Variants in NTM observed in about 807,000 individuals in gnomAD.
NTM encodes the protein neurotrimin, also known as IgLON family member 2.
NTM carries 13 observed loss-of-function variants against 42.1 expected under a neutral mutation model. That is an observed-to-expected ratio of 0.31 (90% CI 0.20 to 0.49). The LOEUF is 0.49. Among genes scored for constraint, NTM ranks in the 20% least tolerant of loss-of-function variants. The probability of loss-of-function intolerance (pLI) is 0.99; values close to 1 mark genes in which losing one functional copy is unlikely to be tolerated. For missense variants in NTM, 373 were observed against 452.8 expected, an observed-to-expected ratio of 0.82 and a Z score of 1.60; for synonymous variants, 187 against 179.2, an observed-to-expected ratio of 1.04 and a Z score of -0.35.
At chr11:131,717,749 T>C (rs752546592) in intron 1 of NTM, among the ~76,000 whole-genome samples, 6 of 152,188 alleles carry the variant, frequency 3.9e-5, no homozygotes, top group Admixed American at 1.3e-4. Flanking sequence ...TCCAGTACAA[T>C]GTTGAATAGA....
At chr11:132,052,361 T>A (rs1050746415) in intron 2 of NTM, among the ~76,000 whole-genome samples, 1 of 152,172 alleles carries the variant, frequency 6.6e-6, no homozygotes, top group South Asian at 2.1e-4. Context: ...CCTGGTCTAT[T>A]TCCCCCCTTA....
At chr11:131,812,678 A>G (rs141300866) in intron 1 of NTM, among the ~76,000 whole-genome samples, 1 of 152,038 alleles carries the variant, frequency 6.6e-6, no homozygotes, top group Non-Finnish European at 1.5e-5. Context: ...GGTGGAGGGG[A>G]GCTGTCTGAT....
intron 1 of NTM, among the ~76,000 whole-genome samples, chr11:131,693,714 T>C (rs2075078806): frequency 6.6e-6 from 1 of 152,242 alleles, no homozygotes; most frequent in South Asian, 2.1e-4. Context: ...TGCCCTGGTG[T>C]TCCCAGCTGG....
intron 2 of NTM, among the ~76,000 whole-genome samples, chr11:131,954,260 G>A (rs935260304): frequency 2.0e-5 from 3 of 152,182 alleles, no homozygotes; most frequent in African/African-American, 7.2e-5. Context: ...AGGAGGCCTC[G>A]GTAGATGTGC....
chr11:131,398,102 A>G (rs999777125), intron 1 of NTM, among the ~76,000 whole-genome samples: 1 of 152,110 alleles, frequency 6.6e-6, no homozygotes, highest in Non-Finnish European at 1.5e-5. Context: ...CTATTAGTGG[A>G]TTTGTGTTAG....
At chr11:132,180,338 A>G (rs1338700361) in intron 3 of NTM, among the ~76,000 whole-genome samples, 1 of 152,182 alleles carries the variant, frequency 6.6e-6, no homozygotes, top group Non-Finnish European at 1.5e-5. Flanking sequence ...ATGACTTTCA[A>G]AGAAGCTACT....
intron 3 of NTM, among the ~76,000 whole-genome samples, chr11:132,147,511 C>A (rs764778116): frequency 6.6e-6 from 1 of 152,072 alleles, no homozygotes; most frequent in African/African-American, 2.4e-5. Flanking sequence ...TAGAAGAGGG[C>A]GTGGCACATA....
At chr11:131,647,712 CAT>C (rs2065938770) in intron 1 of NTM, among the ~76,000 whole-genome samples, 2 of 152,092 alleles carry the variant, frequency 1.3e-5, no homozygotes, top group Admixed American at 6.5e-5. Flanking sequence ...GGTATAAATT[CAT>C]ATGTGATTTT....
At chr11:131,940,241 C>G (rs1467469627) in intron 2 of NTM, among the ~76,000 whole-genome samples, 2 of 152,148 alleles carry the variant, frequency 1.3e-5, no homozygotes, top group Non-Finnish European at 1.5e-5. Context: ...TACTCCTGAT[C>G]TAATGCAAAG....
chr11:131,789,508 A>G (rs1276405742), intron 1 of NTM, among the ~76,000 whole-genome samples: 1 of 16,178 alleles, frequency 6.2e-5, no homozygotes, highest in African/African-American at 3.5e-4. Context: ...AAGAAGAAGA[A>G]GAAGAAGAAG....
intron 1 of NTM, among the ~76,000 whole-genome samples, chr11:131,407,593 C>A (rs539707356): frequency 6.6e-6 from 1 of 152,306 alleles, no homozygotes; most frequent in African/African-American, 2.4e-5. Context: ...AAAGTGGGGA[C>A]AAAAGGCTTC....
intron 2 of NTM, among the ~76,000 whole-genome samples, chr11:132,087,994 C>A (rs1594539989): frequency 1.3e-5 from 2 of 152,192 alleles, no homozygotes; most frequent in African/African-American, 4.8e-5. Flanking sequence ...TCCTGCATGG[C>A]CATTGGATGC....
At chr11:131,414,570 G>A (rs537971328) in intron 1 of NTM, among the ~76,000 whole-genome samples, 100 of 152,276 alleles carry the variant, frequency 6.6e-4, no homozygotes, top group Non-Finnish European at 1.1e-3. Flanking sequence ...GAGGAGAAAG[G>A]ATCAAGGGCA....
chr11:131,559,013 A>C lies in NTM; in HGVS notation c.82+188125A>C, dbSNP rs1160622837. Among the ~76,000 whole-genome samples, 3 of 152,246 alleles carry C rather than the reference A, an allele frequency of 2.0e-5. 1 individual carries two copies. Among genetic ancestry groups the C allele is most frequent in the Admixed American group, 1.3e-4 (2 of 15,288 alleles). On this transcript the variant is annotated intron_variant, in intron 1 of 8. Coordinates refer to ENST00000683400, the MANE Select transcript of NTM (RefSeq NM_001352005.2). The stretch of plus-strand genomic sequence containing the variant: ...AATAATAGACATATGGGTTTATTTT[A>C]CCATGTTTCTGTGATGCTTGAATAT...
In NTM at chr11:132,335,298, C is replaced by G; in HGVS notation, c.*152C>G. 3 of 787,142 alleles carry G rather than the reference C, an allele frequency of 3.8e-6. No homozygotes were observed. The highest frequency in any genetic ancestry group is 2.0e-5 in the South Asian group (1 of 50,948). The allele number at this position is 787,142 out of a possible 1,614,324, so 48.8% of individuals were successfully genotyped here. ...GGGACAGAAATTTGAGGGAGGGGAA[C>G]AAAGAATACTTTGGGGGGAAAAAAG... On this transcript the variant is annotated 3_prime_UTR_variant, in exon 9 of 9. Transcript: ENST00000683400.
intron 2 of NTM, among the ~76,000 whole-genome samples, chr11:131,998,077 C>T (rs2068424803): frequency 6.6e-6 from 1 of 152,040 alleles, no homozygotes; most frequent in Non-Finnish European, 1.5e-5. Context: ...TGTAAATGTA[C>T]AGACCATTTA....
intron 4 of NTM, among the ~76,000 whole-genome samples, chr11:132,244,096 G>A (rs1343182611): frequency 6.6e-6 from 1 of 152,182 alleles, no homozygotes; most frequent in African/African-American, 2.4e-5. Flanking sequence ...GGGAGAGACG[G>A]GCCCTCTGCC....
At chr11:131,685,805 T>C (rs1169380072) in intron 1 of NTM, among the ~76,000 whole-genome samples, 1 of 152,234 alleles carries the variant, frequency 6.6e-6, no homozygotes, top group African/African-American at 2.4e-5. Flanking sequence ...GACATTGTTT[T>C]GTTCACTTTT....
At chr11:131,803,398 T>C (rs2092288111) in intron 1 of NTM, among the ~76,000 whole-genome samples, 1 of 151,900 alleles carries the variant, frequency 6.6e-6, no homozygotes, top group Admixed American at 6.6e-5. Context: ...AAGCTCTGCC[T>C]CCTGGGTTCA....
Sources: gnomAD v4.1 joint callset for allele counts (sites outside exome capture counted in the v4.1 genomes callset) on GRCh38, gnomAD v4.1.1 for gene constraint, MANE v1.5 for transcripts, NCBI Gene and HGNC (gene_info 2026-07-23, HGNC 2026-07-21) for gene names.